Variants in SLC16A12 observed in about 807,000 individuals in gnomAD.
The protein encoded by SLC16A12 is monocarboxylate transporter 12.
In SLC16A12, 17 loss-of-function variants were observed where a neutral mutation model predicts 42.4. That is an observed-to-expected ratio of 0.40 (90% CI 0.27 to 0.60). SLC16A12 has a LOEUF of 0.60. Among genes scored for constraint, SLC16A12 ranks in the 20% least tolerant of loss-of-function variants. The probability of loss-of-function intolerance (pLI) is 0.42; values close to 1 mark genes in which losing one functional copy is unlikely to be tolerated. For synonymous variants in SLC16A12, 224 were observed against 229.4 expected, an observed-to-expected ratio of 0.98 and a Z score of 0.21; for missense variants, 544 against 623.0, an observed-to-expected ratio of 0.87 and a Z score of 1.35.
At chr10:89,556,622 G>A (rs1843817547) in exon 1 of SLC16A12, 1 of 152,136 alleles carries the variant, frequency 6.6e-6, no homozygotes, top group African/African-American at 2.4e-5. Context: ...TCTGATCATA[G>A]GTCAGAACAC....
upstream of SLC16A12, among the ~76,000 whole-genome samples, chr10:89,535,841 G>A (rs1488241002): frequency 6.8e-6 from 1 of 147,260 alleles, no homozygotes; most frequent in East Asian, 2.0e-4. Context: ...AGGCGCCGGC[G>A]AGGCTGGGGC....
intron 1 of SLC16A12, 33 bp from the exon 2 acceptor site, chr10:89,534,673 C>CAAAAAAAAAAA (rs1196402951): frequency 1.6e-5 from 2 of 122,722 alleles, no homozygotes; most frequent in African/African-American, 6.4e-5. Flanking sequence ...AAAAAAAAAT[C>CAAAAAAAAAAA]CAAAAATTAG....
Position 89,548,076 on chromosome 10 carries a change from G to C in SLC16A12, c.-47+7806C>G, listed in dbSNP as rs568935093. On this transcript the variant is annotated intron_variant, in intron 2 of 2. Coordinates refer to the SLC16A12 transcript ENST00000475682. ...CCTTCTTGGAGAATTTCAAAAAGCAGGAAGGAAGGCAGTCTTGTTAAATCA... is the reference window on the plus strand; with the variant it reads ...CCTTCTTGGAGAATTTCAAAAAGCACGAAGGAAGGCAGTCTTGTTAAATCA... Among the ~76,000 whole-genome samples, 4 of 152,098 alleles carry C rather than the reference G, an allele frequency of 2.6e-5. No individual in the cohort carries two copies. In the East Asian group the frequency reaches 7.7e-4, roughly 29 times the overall value.
chr10:89,551,311 T>C (rs1345720492), intron 2 of SLC16A12, among the ~76,000 whole-genome samples: 1 of 152,016 alleles, frequency 6.6e-6, no homozygotes, highest in East Asian at 1.9e-4. Flanking sequence ...GGTAGGATGG[T>C]GCATGTTTGT....
intron 2 of SLC16A12, among the ~76,000 whole-genome samples, chr10:89,479,415 GTTGT>G (rs1210610702): frequency 1.3e-5 from 2 of 152,134 alleles, no homozygotes; most frequent in African/African-American, 2.4e-5. Flanking sequence ...GAGGCCTGTG[GTTGT>G]TTAAGAGCTG....
At chr10:89,442,533 G>C (rs1010028995) in intron 4 of SLC16A12, among the ~76,000 whole-genome samples, 3 of 152,120 alleles carry the variant, frequency 2.0e-5, no homozygotes, top group African/African-American at 7.2e-5. Flanking sequence ...GACAAACATG[G>C]CTTCTTTGGT....
intron 2 of SLC16A12, among the ~76,000 whole-genome samples, chr10:89,501,049 CAAAAACA>C (rs1199614822): frequency 6.6e-6 from 1 of 151,584 alleles, no homozygotes; most frequent in Non-Finnish European, 1.5e-5. Context: ...ACAATAGCTG[CAAAAACA>C]AAAAACAAAA....
chr10:89,445,726 C>T (rs571804611), intron 3 of SLC16A12, among the ~76,000 whole-genome samples: 10 of 152,236 alleles, frequency 6.6e-5, no homozygotes, highest in Admixed American at 1.3e-4. Flanking sequence ...TCCTCACCGG[C>T]GACAGAACAA....
chr10:89,545,764 A>G (rs1414850819), intron 2 of SLC16A12, among the ~76,000 whole-genome samples: 1 of 152,240 alleles, frequency 6.6e-6, no homozygotes, highest in Admixed American at 6.5e-5. Flanking sequence ...GACAATCATA[A>G]GCAAAAAGAG....
intron 3 of SLC16A12, among the ~76,000 whole-genome samples, chr10:89,445,304 C>T (rs182282582): frequency 5.3e-5 from 8 of 152,340 alleles, no homozygotes; most frequent in Non-Finnish European, 8.8e-5. Flanking sequence ...CCCCGTGTAG[C>T]CTAACTGGGA....
chr10:89,528,419 A>G (rs945233788), intron 2 of SLC16A12, among the ~76,000 whole-genome samples: 6 of 152,208 alleles, frequency 3.9e-5, no homozygotes, highest in Non-Finnish European at 8.8e-5. Context: ...AATCATCAAA[A>G]ACTTGAAAAT....
At chr10:89,459,071 G>A (rs535069270) in intron 3 of SLC16A12, among the ~76,000 whole-genome samples, 1 of 152,304 alleles carries the variant, frequency 6.6e-6, no homozygotes, top group Admixed American at 6.5e-5. Flanking sequence ...CTGTTCCTCT[G>A]CAATTTTTCC....
At chr10:89,540,483 C>T (rs1843708639), upstream of SLC16A12, among the ~76,000 whole-genome samples, 1 of 152,140 alleles carries the variant, frequency 6.6e-6, no homozygotes, top group African/African-American at 2.4e-5. Context: ...GACTTTAGCC[C>T]CTATTTCCAC....
chr10:89,462,825 G>T, intron 2 of SLC16A12: 1 of 525,208 alleles, frequency 1.9e-6, no homozygotes, highest in Non-Finnish European at 3.2e-6. Flanking sequence ...TCAAATTGTA[G>T]TCAAATGCAT....
chr10:89,509,830 A>G (rs1009259317), intron 2 of SLC16A12, among the ~76,000 whole-genome samples: 1 of 152,220 alleles, frequency 6.6e-6, no homozygotes, highest in Non-Finnish European at 1.5e-5. Flanking sequence ...ATAATTGTAT[A>G]TTTAGAAAAC....
In SLC16A12 at chr10:89,501,011, T is replaced by A. The variant is rs184589567; in HGVS notation, c.-47+33490A>T. Among the ~76,000 whole-genome samples, 9 of 152,204 alleles carry A rather than the reference T, an allele frequency of 5.9e-5. No homozygotes were observed. In the East Asian group the frequency reaches 1.7e-3, roughly 29 times the overall value. ...TGTACACCAACAGCTACCAAGCTGA[T>A]AATCAAATCAAGAACTCAACCCCTT... On this transcript the variant is annotated intron_variant, in intron 2 of 7. Transcript: ENST00000371790.
chr10:89,550,150 C>T (rs1400973785), intron 2 of SLC16A12, among the ~76,000 whole-genome samples: 2 of 152,160 alleles, frequency 1.3e-5, no homozygotes, highest in African/African-American at 4.8e-5. Flanking sequence ...CCCACTAGTG[C>T]AAGTCTCCTA....
Position 89,462,253 on chromosome 10 carries a change from A to C in SLC16A12, c.200+126T>G. The C allele has an allele frequency of 2.2e-6, 3 of 1,343,246 alleles. No homozygotes were observed. The Middle Eastern group carries it at 5.5e-4, about 245-fold the overall frequency. 83.2% of individuals were successfully genotyped at this position (1,343,246 alleles called of 1,614,324 possible). On this transcript the variant is annotated intron_variant, in intron 3 of 7. Coordinates refer to ENST00000371790, the MANE Select transcript of SLC16A12 (RefSeq NM_213606.4). ...AATGATACCTGAAGAGTCAACGGAA[A>C]TACACACACACCACATGAACACACA...
At chr10:89,470,377 A>AG (rs988454453) in intron 2 of SLC16A12, among the ~76,000 whole-genome samples, 1 of 152,240 alleles carries the variant, frequency 6.6e-6, no homozygotes, top group Admixed American at 6.5e-5. Context: ...TAGGTAGCTG[A>AG]GGGGGAAGTG....
Sources: allele counts gnomAD v4.1 joint callset (sites outside exome capture counted in the v4.1 genomes callset), GRCh38; gene constraint gnomAD v4.1.1; transcripts MANE v1.5; gene names NCBI Gene and HGNC (gene_info 2026-07-23, HGNC 2026-07-21).